The following UPP2 variants were observed in gnomAD, a reference collection of about 807,000 sequenced individuals.
UPP2 encodes UPase 2.
A neutral mutation model predicts 26.7 loss-of-function variants in UPP2; 23 were observed. The observed-to-expected ratio is 0.86, with a 90% CI of 0.62 to 1.22. The LOEUF is 1.22. Among genes scored for constraint, UPP2 ranks in the 50% most tolerant of loss-of-function variants. The probability of loss-of-function intolerance (pLI) is 0.00; values close to 1 mark genes in which losing one functional copy is unlikely to be tolerated. For synonymous variants in UPP2, 127 were observed against 141.3 expected (o/e 0.90, Z 0.72); for missense variants, 387 against 396.7 (o/e 0.98, Z 0.21).
upstream of UPP2, among the ~76,000 whole-genome samples, chr2:158,098,034 T>G (rs1041553259): frequency 6.6e-6 from 1 of 152,062 alleles, no homozygotes; most frequent in Non-Finnish European, 1.5e-5. Flanking sequence ...AAAATAAAGA[T>G]TTTAGATATG....
At chr2:158,114,730 C>T (rs183838858) in intron 2 of UPP2, among the ~76,000 whole-genome samples, 20 of 152,284 alleles carry the variant, frequency 1.3e-4, no homozygotes, top group African/African-American at 4.8e-4. Flanking sequence ...ACTCACGTGC[C>T]GTGGCCTCAG....
At chr2:157,998,923 C>T (rs952149584) in intron 2 of UPP2, among the ~76,000 whole-genome samples, 1 of 152,042 alleles carries the variant, frequency 6.6e-6, no homozygotes, top group South Asian at 2.1e-4. Context: ...TGTTCCTGTC[C>T]TCTCTTCTCT....
chr2:158,038,171 A>C (rs888570178), intron 3 of UPP2, among the ~76,000 whole-genome samples: 3 of 152,218 alleles, frequency 2.0e-5, no homozygotes, highest in South Asian at 2.1e-4. Context: ...CACATAATTT[A>C]GTATTTGTAT....
At chr2:158,010,390 T>G (rs1237331224) in intron 2 of UPP2, among the ~76,000 whole-genome samples, 1 of 152,238 alleles carries the variant, frequency 6.6e-6, no homozygotes, top group African/African-American at 2.4e-5. Flanking sequence ...GATTTAAATA[T>G]CCTATCCTGG....
intron 3 of UPP2, among the ~76,000 whole-genome samples, chr2:158,043,781 G>A (rs544123744): frequency 1.3e-5 from 2 of 152,274 alleles, no homozygotes; most frequent in Admixed American, 1.3e-4. Flanking sequence ...GAAATTGGAA[G>A]CAGTGATTCT....
At chr2:158,103,741 G>T (rs754429445) in intron 1 of UPP2, among the ~76,000 whole-genome samples, 2 of 152,204 alleles carry the variant, frequency 1.3e-5, no homozygotes, top group Non-Finnish European at 2.9e-5. Flanking sequence ...TGCAGATTTT[G>T]ATTCAGCAGG....
chr2:158,058,454 C>T (rs959959457), intron 3 of UPP2, among the ~76,000 whole-genome samples: 21 of 48,608 alleles, frequency 4.3e-4, no homozygotes, highest in African/African-American at 2.5e-3. Context: ...TGTGTGTACG[C>T]GCATGCACAG....
intron 3 of UPP2, among the ~76,000 whole-genome samples, chr2:158,083,719 A>G (rs1682765719): frequency 6.6e-6 from 1 of 151,016 alleles, no homozygotes; most frequent in South Asian, 2.1e-4. Context: ...AAAAAATATA[A>G]TTGTCTCCAA....
intron 3 of UPP2, among the ~76,000 whole-genome samples, chr2:158,064,835 T>C (rs1682409910): frequency 6.6e-6 from 1 of 152,216 alleles, no homozygotes; most frequent in Admixed American, 6.5e-5. Flanking sequence ...CACCATTTAT[T>C]AAATAGGAAT....
At chr2:158,043,943 G>A (rs1329444271) in intron 3 of UPP2, among the ~76,000 whole-genome samples, 2 of 152,200 alleles carry the variant, frequency 1.3e-5, no homozygotes, top group African/African-American at 4.8e-5. Flanking sequence ...TTTCCAGTAT[G>A]TACATCATTG....
At chr2:158,063,282 C>T (rs939339187) in intron 3 of UPP2, among the ~76,000 whole-genome samples, 1 of 152,192 alleles carries the variant, frequency 6.6e-6, no homozygotes, top group African/African-American at 2.4e-5. Context: ...CTGTCTGCCT[C>T]TTTAGAATAT....
At chr2:158,121,321 G>T in intron 4 of UPP2, 88 bp from the exon 5 acceptor site, 1 of 1,159,146 alleles carries the variant, frequency 8.6e-7, no homozygotes, top group East Asian at 2.4e-5. Flanking sequence ...TTAGCAGCTA[G>T]CATTAATACT....
At chr2:158,130,776 T>G (rs961261601) in intron 6 of UPP2, among the ~76,000 whole-genome samples, 1 of 152,170 alleles carries the variant, frequency 6.6e-6, no homozygotes, top group African/African-American at 2.4e-5. Context: ...AATGTAAAAA[T>G]AATTTAACTG....
intron 2 of UPP2, chr2:157,995,289 A>T (rs1211422071): frequency 6.2e-6 from 10 of 1,608,976 alleles, no homozygotes; most frequent in Non-Finnish European, 8.5e-6. Flanking sequence ...AAATACATTC[A>T]TGTCTAAGCA....
chr2:158,121,563 C>T lies in UPP2; in HGVS notation c.609C>T (p.Ile203=). The change falls in exon 5 of 7, where the codon ATC becomes ATT. Residue 203 remains isoleucine (I), a synonymous_variant. Coordinates refer to ENST00000005756, the MANE Select transcript of UPP2 (RefSeq NM_173355.4). ...SEELFNCSKE[I]PNFPTLVGHT... ...AACTGTTCAACTGTAGCAAAGAAATCCCCAACTTCCCAACCCTCGTTGGAC... is the reference window on the plus strand; with the variant it reads ...AACTGTTCAACTGTAGCAAAGAAATTCCCAACTTCCCAACCCTCGTTGGAC... 6.2e-7 allele frequency: 1 copy of T among 1,613,524 alleles called. No homozygotes were observed. Among genetic ancestry groups the T allele is most frequent in the East Asian group, 2.2e-5 (1 of 44,858 alleles).
At chr2:158,008,896 A>C (rs921692194) in intron 2 of UPP2, among the ~76,000 whole-genome samples, 3 of 152,172 alleles carry the variant, frequency 2.0e-5, no homozygotes, top group Admixed American at 2.0e-4. Flanking sequence ...TTGAACCCCC[A>C]AGAGTCTTTA....
rs573111789 is a variant in UPP2 at position 158,056,449 on chromosome 2, G to A, written c.147+40563G>A. 1.7e-4 allele frequency among the ~76,000 whole-genome samples: 26 copies of A among 152,182 alleles called. 1 individual carries two copies. In the South Asian group the frequency reaches 3.5e-3, roughly 21 times the overall value. On this transcript the variant is annotated intron_variant, in intron 3 of 9. Transcript: ENST00000605860. ...GATCCAGTATTCATTTCCTATGACC[G>A]CTGTAAAAATTTTTGACAAACTGGT...
intron 3 of UPP2, among the ~76,000 whole-genome samples, chr2:158,080,396 G>A (rs1682704032): frequency 6.6e-6 from 1 of 152,032 alleles, no homozygotes; most frequent in Non-Finnish European, 1.5e-5. Context: ...GCCTCTGTAG[G>A]TGCAATTTGT....
At chr2:158,040,768 T>G (rs1225588306) in intron 3 of UPP2, among the ~76,000 whole-genome samples, 1 of 152,224 alleles carries the variant, frequency 6.6e-6, no homozygotes, top group Non-Finnish European at 1.5e-5. Flanking sequence ...ATTGGTTACA[T>G]CATGCTTGGC....
Sources: allele counts gnomAD v4.1 joint callset (sites outside exome capture counted in the v4.1 genomes callset), GRCh38; gene constraint gnomAD v4.1.1; transcripts MANE v1.5; gene names NCBI Gene and HGNC (gene_info 2026-07-23, HGNC 2026-07-21).